The following UGT2B15 variants were observed in gnomAD, a reference collection of about 807,000 sequenced individuals.
UGT2B15 encodes UDP-glucuronosyltransferase 2B15.
UGT2B15 carries 36 observed loss-of-function variants against 45.9 expected under a neutral mutation model. That is an observed-to-expected ratio of 0.78 (90% CI 0.60 to 1.04). The LOEUF (loss-of-function observed/expected upper bound fraction) is 1.04, where lower values mean the gene tolerates loss of function less well. UGT2B15 is among the 50% of genes least tolerant of loss of function. The pLI, the probability that UGT2B15 is intolerant of heterozygous loss-of-function variation, is 0.00. For synonymous variants in UGT2B15, 219 were observed against 216.4 expected, an observed-to-expected ratio of 1.01 and a Z score of -0.11; for missense variants, 617 against 622.4, an observed-to-expected ratio of 0.99 and a Z score of 0.09.
At chr4:68,664,878 A>G (rs1733075758) in intron 2 of UGT2B15, among the ~76,000 whole-genome samples, 1 of 152,054 alleles carries the variant, frequency 6.6e-6, no homozygotes, top group African/African-American at 2.4e-5. Flanking sequence ...ATCAGTTTTA[A>G]TTGGAGATTC....
In UGT2B15 at chr4:68,670,433, A is replaced by G; in HGVS notation, c.186T>C (p.Thr62=). 1 of 1,613,962 alleles carries G rather than the reference A, an allele frequency of 6.2e-7. No homozygotes were observed. The change falls in exon 1 of 6, where the codon ACT becomes ACC. Residue 62 remains threonine (T), a synonymous_variant. Transcript: ENST00000338206. The part of the protein sequence containing the change: ...EVTVLTSSAS[T]LVNASKSSAI... ...CAGATGATTTACTGGCATTGACAAG[A>G]GTAGAAGCCGAAGATGTCAACACAG...
chr4:68,649,204 T>A (rs1039895864), intron 5 of UGT2B15, among the ~76,000 whole-genome samples: 3 of 151,842 alleles, frequency 2.0e-5, no homozygotes, highest in African/African-American at 7.3e-5. Context: ...AATTTGAATC[T>A]GATACAATTT....
At chr4:68,661,453 G>A (rs541222319) in intron 3 of UGT2B15, among the ~76,000 whole-genome samples, 4 of 151,856 alleles carry the variant, frequency 2.6e-5, no homozygotes, top group Non-Finnish European at 5.9e-5. Flanking sequence ...TAATAAAAAA[G>A]TAGCAAATTA....
chr4:68,670,528 T>G lies in UGT2B15; in HGVS notation c.91A>C (p.Thr31Pro), dbSNP rs755863462. The G allele has an allele frequency of 6.2e-7, 1 of 1,613,256 alleles. No homozygotes were observed. The highest frequency in any genetic ancestry group is 1.3e-5 in the African/African-American group (1 of 74,964). ...ATATTTATCCAATGGCTGTATTCTG[T>G]GGGCCACACTAGCACCTTTCCACAG... is the stretch of plus-strand genomic sequence containing the variant. ...GSCGKVLVWP[T>P]EYSHWINMKT... is the part of the protein sequence containing the mutation. The change falls in exon 1 of 6, where the codon ACA becomes CCA. Residue 31 changes from threonine (T) to proline (P), a missense_variant. Physicochemically the swap from Thr to Pro is conservative, Grantham distance 38. This residue lies in a region of UGT2B15 where 351 missense variants were observed against 342.1 expected (regional missense o/e 1.03). Transcript: ENST00000338206.
chr4:68,663,699 C>T (rs536522148), intron 2 of UGT2B15, among the ~76,000 whole-genome samples: 1 of 151,962 alleles, frequency 6.6e-6, no homozygotes, highest in Admixed American at 6.6e-5. Context: ...AGCTCTCTAA[C>T]CCTTTATATT....
At chr4:68,661,356 T>G (rs1732961129) in intron 3 of UGT2B15, among the ~76,000 whole-genome samples, 1 of 151,960 alleles carries the variant, frequency 6.6e-6, no homozygotes, top group Non-Finnish European at 1.5e-5. Context: ...CTAAATGTAC[T>G]GAGACCTGTA....
chr4:68,666,622 A>C (rs1733127960), intron 2 of UGT2B15, among the ~76,000 whole-genome samples: 3 of 151,754 alleles, frequency 2.0e-5, no homozygotes, highest in Non-Finnish European at 4.4e-5. Flanking sequence ...AATATTATAC[A>C]TTGGGAATAT....
intron 5 of UGT2B15, among the ~76,000 whole-genome samples, chr4:68,653,005 G>C (rs1732700769): frequency 6.6e-6 from 1 of 152,002 alleles, no homozygotes; most frequent in African/African-American, 2.4e-5. Flanking sequence ...TAGAAAGACA[G>C]GTGATAACAA....
intron 3 of UGT2B15, among the ~76,000 whole-genome samples, chr4:68,661,836 C>T (rs1478406369): frequency 6.6e-6 from 1 of 152,064 alleles, no homozygotes; most frequent in Non-Finnish European, 1.5e-5. Context: ...TCATGATTAA[C>T]AATACAGATG....
At chr4:68,647,555 T>TAAATTGGA (rs1732519246) in intron 5 of UGT2B15, among the ~76,000 whole-genome samples, 172 bp from the exon 6 acceptor site, 1 of 152,116 alleles carries the variant, frequency 6.6e-6, no homozygotes, top group African/African-American at 2.4e-5. Flanking sequence ...GTTTGGTTTT[T>TAAATTGGA]AAATTGGAGT....
intron 3 of UGT2B15, among the ~76,000 whole-genome samples, chr4:68,655,957 G>A (rs550936670): frequency 6.6e-6 from 1 of 152,144 alleles, no homozygotes; most frequent in African/African-American, 2.4e-5. Context: ...TTTGATAAAT[G>A]TCCTATCAGT....
At chr4:68,649,677 T>C (rs1732594210) in intron 5 of UGT2B15, among the ~76,000 whole-genome samples, 1 of 152,076 alleles carries the variant, frequency 6.6e-6, no homozygotes, top group South Asian at 2.1e-4. Context: ...GTGCAATATA[T>C]ATACACACAC....
intron 3 of UGT2B15, among the ~76,000 whole-genome samples, chr4:68,655,706 C>T (rs1008193458): frequency 9.9e-5 from 15 of 152,004 alleles, no homozygotes; most frequent in South Asian, 2.1e-4. Flanking sequence ...ATTTCTGGAC[C>T]GAACAAATGT....
chr4:68,647,099 T>G lies in UGT2B15; in HGVS notation c.*5A>C, dbSNP rs376138126. ...CAGTCATTCCACTTCAGGCTTTTGA[T>G]ATAACTAATCTCTTTTCTTCTTCTT... On this transcript the variant is annotated 3_prime_UTR_variant, in exon 6 of 6. Transcript: ENST00000338206. 8 of 1,610,038 alleles carry G rather than the reference T, an allele frequency of 5.0e-6. No homozygotes were observed. In the African/African-American group the frequency reaches 1.1e-4, roughly 22 times the overall value.
At chr4:68,666,726 CA>C (rs1224272072) in intron 2 of UGT2B15, among the ~76,000 whole-genome samples, 2 of 144,526 alleles carry the variant, frequency 1.4e-5, no homozygotes, top group African/African-American at 5.1e-5. Context: ...ATGGGTATAT[CA>C]AATTACATAT....
chr4:68,665,982 G>T (rs1434422825), intron 2 of UGT2B15, among the ~76,000 whole-genome samples: 2 of 152,084 alleles, frequency 1.3e-5, no homozygotes, highest in South Asian at 4.1e-4. Flanking sequence ...AACCTGGGGG[G>T]TGGAGGTTTC....
At chr4:68,659,257 A>C (rs1732893932) in intron 3 of UGT2B15, among the ~76,000 whole-genome samples, 1 of 152,012 alleles carries the variant, frequency 6.6e-6, no homozygotes, top group Admixed American at 6.6e-5. Flanking sequence ...CATTAGTCAA[A>C]TGAATGATTT....
chr4:68,647,593 T>C (rs1159579087), intron 5 of UGT2B15, among the ~76,000 whole-genome samples: 2 of 152,184 alleles, frequency 1.3e-5, no homozygotes, highest in Admixed American at 6.5e-5. Context: ...CCTTTAAAAA[T>C]GAAAAATGGA....
chr4:68,670,181 A>G lies in UGT2B15; in HGVS notation c.438T>C (p.Phe146=), dbSNP rs751743795. 6.2e-7 allele frequency: 1 copy of G among 1,614,096 alleles called. No individual in the cohort carries two copies. Among genetic ancestry groups the G allele is most frequent in the South Asian group, 1.1e-5 (1 of 91,064 alleles). Residue 146 remains phenylalanine, a synonymous_variant, in exon 1 of 6, where the codon TTT becomes TTC. Coordinates refer to ENST00000338206, the MANE Select transcript of UGT2B15 (RefSeq NM_001076.4). ...TAAGGGCATCTGCCAGAATGACATC[A>G]AACTTTGACTCTTGTAGTTTCATCA... is the stretch of plus-strand genomic sequence containing the variant. ...KLMMKLQESK[F]DVILADALNP...
Sources: allele counts gnomAD v4.1 joint callset (sites outside exome capture counted in the v4.1 genomes callset), GRCh38; gene constraint gnomAD v4.1.1; regional missense constraint gnomAD v4.1.1; transcripts MANE v1.5; gene names NCBI Gene and HGNC (gene_info 2026-07-23, HGNC 2026-07-21).